The following ZMYM2 variants were observed in gnomAD, a reference collection of about 807,000 sequenced individuals.
ZMYM2 encodes zinc finger MYM-type containing 2.
Under a neutral mutation model 162.8 loss-of-function variants are expected in ZMYM2, and 56 were observed. That is an observed-to-expected ratio of 0.34 (90% CI 0.28 to 0.43). The LOEUF is 0.43. Among genes scored for constraint, ZMYM2 ranks in the 20% least tolerant of loss-of-function variants. The pLI, the probability that ZMYM2 is intolerant of heterozygous loss-of-function variation, is 1.00. For synonymous variants in ZMYM2, 510 were observed against 541.6 expected, an observed-to-expected ratio of 0.94 and a Z score of 0.81; for missense variants, 1,275 against 1,621.8, an observed-to-expected ratio of 0.79 and a Z score of 3.67.
the ZMYM2 span, among the ~76,000 whole-genome samples, chr13:19,877,028 T>G: frequency 6.6e-6 from 1 of 152,002 alleles, no homozygotes; most frequent in African/African-American, 2.4e-5. Flanking sequence ...ATCGAGACCA[T>G]GGTGAAACCC....
intron 2 of ZMYM2, among the ~76,000 whole-genome samples, chr13:19,983,633 T>C (rs543086292): frequency 1.4e-4 from 22 of 152,228 alleles, no homozygotes; most frequent in Non-Finnish European, 2.9e-4. Flanking sequence ...TATTTTATTA[T>C]TTTTTTCTTT....
the ZMYM2 span, among the ~76,000 whole-genome samples, chr13:19,883,250 G>A: frequency 6.6e-6 from 1 of 152,176 alleles, no homozygotes. Flanking sequence ...GAAAAGTGAA[G>A]AATGGGTATT....
chr13:20,028,378 A>G (rs1952771771), intron 9 of ZMYM2, among the ~76,000 whole-genome samples: 1 of 152,196 alleles, frequency 6.6e-6, no homozygotes, highest in Admixed American at 6.5e-5. Context: ...CAGTGTCTAT[A>G]GCATGCTACT....
rs140854224 is a variant in ZMYM2 at position 20,087,771 on chromosome 13, C to G, written c.*1757C>G. 1 of 186,710 alleles carries G rather than the reference C, an allele frequency of 5.4e-6. No individual in the cohort carries two copies. The highest frequency in any genetic ancestry group is 2.3e-5 in the African/African-American group (1 of 42,870). The allele number at this position is 186,710 out of a possible 1,614,324, so 11.6% of individuals were successfully genotyped here. On this transcript the variant is annotated 3_prime_UTR_variant, in exon 25 of 25. Coordinates refer to ENST00000610343, the MANE Select transcript of ZMYM2 (RefSeq NM_197968.4). ...TCAGACTGATAGTAGCAAATCTGATCATACATTACTAAAATAGATTGCTGA... is the reference window on the plus strand; with the variant it reads ...TCAGACTGATAGTAGCAAATCTGATGATACATTACTAAAATAGATTGCTGA...
At chr13:20,058,745 T>A in intron 15 of ZMYM2, 41 bp downstream of exon 15, 1 of 1,605,070 alleles carries the variant, frequency 6.2e-7, no homozygotes, top group Non-Finnish European at 8.5e-7. Context: ...CCCCATACCT[T>A]CATCTCACCT....
intron 6 of ZMYM2, among the ~76,000 whole-genome samples, chr13:20,010,398 C>T (rs8002955): frequency 1.6e-4 from 24 of 151,776 alleles, no homozygotes; most frequent in Admixed American, 1.4e-3. Flanking sequence ...GGGTTTCATT[C>T]GCCATGTTGT....
At chr13:20,010,269 C>T (rs1432727750) in intron 6 of ZMYM2, among the ~76,000 whole-genome samples, 2 of 152,124 alleles carry the variant, frequency 1.3e-5, no homozygotes, top group Non-Finnish European at 2.9e-5. Flanking sequence ...AATCTTGGCT[C>T]ACTGCAACCT....
intron 9 of ZMYM2, among the ~76,000 whole-genome samples, chr13:20,029,015 T>C (rs1467057547): frequency 6.6e-6 from 1 of 152,198 alleles, no homozygotes; most frequent in Non-Finnish European, 1.5e-5. Flanking sequence ...ATTTTGAACT[T>C]TATATCTTCA....
At chr13:20,072,798 GA>G (rs1957188061) in intron 21 of ZMYM2, among the ~76,000 whole-genome samples, 1 of 152,084 alleles carries the variant, frequency 6.6e-6, no homozygotes, top group African/African-American at 2.4e-5. Flanking sequence ...TGTCTTTCAA[GA>G]AATGATGCAT....
chr13:19,945,666 T>G, the ZMYM2 span, among the ~76,000 whole-genome samples: 12 of 152,184 alleles, frequency 7.9e-5, no homozygotes, highest in Non-Finnish European at 1.6e-4. Context: ...TTTGTGAAGC[T>G]TCTCATCTTT....
At chr13:19,879,438 G>GA in the ZMYM2 span, among the ~76,000 whole-genome samples, 2 of 152,084 alleles carry the variant, frequency 1.3e-5, no homozygotes, top group Non-Finnish European at 2.9e-5. Flanking sequence ...CAGAATTTAA[G>GA]AAAAAAGAAA....
the ZMYM2 span, among the ~76,000 whole-genome samples, chr13:19,870,249 G>A: frequency 6.6e-6 from 1 of 152,178 alleles, no homozygotes; most frequent in Non-Finnish European, 1.5e-5. Context: ...TCCGCCTCCT[G>A]GGCTCCAGCA....
At position 20,066,902 on chromosome 13, in the gene ZMYM2, G is replaced by T. The variant is rs1956723592; in HGVS notation, c.3184G>T (p.Asp1062Tyr). Reference sequence around the variant, plus strand: ...ATACCAGTCTCATGATGATAGTTCTGACAATTCAGAATGCAGCTTTCCTTT... The same window carrying T: ...ATACCAGTCTCATGATGATAGTTCTTACAATTCAGAATGCAGCTTTCCTTT... ...SGYQSHDDSSDNSECSFPFKY... is the reference protein window; with the variant it reads ...SGYQSHDDSSYNSECSFPFKY... Residue 1062 changes from aspartate (D) to tyrosine (Y), a missense_variant, in exon 20 of 25, where the codon GAC becomes TAC. Around this residue, in one of 10 missense-constraint regions of ZMYM2, gnomAD observed 229 missense variants for 283.8 expected, o/e 0.81. Transcript: ENST00000610343. The T allele has an allele frequency of 6.2e-7, 1 of 1,612,880 alleles. No individual in the cohort carries two copies. The highest frequency in any genetic ancestry group is 1.7e-5 in the Admixed American group (1 of 59,878).
intron 2 of ZMYM2, among the ~76,000 whole-genome samples, chr13:19,964,317 A>G (rs567956711): frequency 6.6e-6 from 1 of 152,194 alleles, no homozygotes; most frequent in African/African-American, 2.4e-5. Flanking sequence ...TGGAGGTTGC[A>G]GTTAGCCAAG....
the ZMYM2 span, among the ~76,000 whole-genome samples, chr13:19,932,463 T>C: frequency 1.3e-5 from 2 of 152,088 alleles, no homozygotes; most frequent in East Asian, 3.9e-4. Context: ...GCCTGGTCAA[T>C]ATGGTTAAAC....
At chr13:19,912,452 C>T in the ZMYM2 span, among the ~76,000 whole-genome samples, 1 of 151,980 alleles carries the variant, frequency 6.6e-6, no homozygotes, top group Non-Finnish European at 1.5e-5. Flanking sequence ...CCCACCTCAG[C>T]CTCAAGAGTA....
rs777267614 is a variant in ZMYM2, at chr13:20,082,733, A to G, written c.3569-48A>G. 3.5e-6 allele frequency: 5 copies of G among 1,421,466 alleles called. No individual in the cohort carries two copies. In the Admixed American group the frequency reaches 1.1e-4, roughly 31 times the overall value. 88.1% of individuals were successfully genotyped at this position (1,421,466 alleles called of 1,614,324 possible). A position where few individuals can be genotyped will look rare whatever the true frequency, so the allele number is the denominator to read the frequency against. On this transcript the variant is annotated intron_variant, in intron 22 of 24. Transcript: ENST00000610343. ...TGTCTGCTTCTAGATGGTTAAATGA[A>G]AACTTTTATTTATTATAATTCTTTT...
intron 2 of ZMYM2, among the ~76,000 whole-genome samples, chr13:19,970,454 C>G (rs553361926): frequency 6.6e-5 from 10 of 152,004 alleles, no homozygotes; most frequent in African/African-American, 2.4e-4. Flanking sequence ...TATATTTTAG[C>G]TTGTTTCATC....
intron 10 of ZMYM2, among the ~76,000 whole-genome samples, chr13:20,033,146 GAAGA>G (rs1566352548): frequency 6.6e-6 from 1 of 152,034 alleles, no homozygotes; most frequent in South Asian, 2.1e-4. Flanking sequence ...ATGAGGGAAT[GAAGA>G]AAGAAATCCA....
Sources: gnomAD v4.1 joint callset for allele counts (sites outside exome capture counted in the v4.1 genomes callset) on GRCh38, gnomAD v4.1.1 for gene constraint, gnomAD v4.1.1 regional missense constraint, MANE v1.5 for transcripts, NCBI Gene and HGNC (gene_info 2026-07-23, HGNC 2026-07-21) for gene names.